The following LIMA1 variants were observed in gnomAD, a reference collection of about 807,000 sequenced individuals.
LIMA1 encodes LIM domain and actin binding 1.
In LIMA1, 52 loss-of-function variants were observed where a neutral mutation model predicts 62.6. That is an observed-to-expected ratio of 0.83 (90% CI 0.67 to 1.05). LIMA1 has a LOEUF of 1.05. LIMA1 is among the 50% of genes least tolerant of loss of function. The pLI, the probability that LIMA1 is intolerant of heterozygous loss-of-function variation, is 0.00. For synonymous variants in LIMA1, 302 were observed against 317.8 expected, an observed-to-expected ratio of 0.95 and a Z score of 0.53; for missense variants, 780 against 902.2, an observed-to-expected ratio of 0.86 and a Z score of 1.74.
intron 3 of LIMA1, among the ~76,000 whole-genome samples, chr12:50,228,227 G>A (rs570444704): frequency 5.4e-4 from 82 of 152,274 alleles, no homozygotes; most frequent in African/African-American, 1.8e-3. Context: ...TTTGGAGGTA[G>A]AGAATACATC....
intron 4 of LIMA1, among the ~76,000 whole-genome samples, chr12:50,220,005 T>C (rs990442378): frequency 1.1e-4 from 17 of 151,730 alleles, no homozygotes; most frequent in African/African-American, 4.1e-4. Context: ...TCCTATACCT[T>C]TAGCAATCAA....
intron 1 of LIMA1, among the ~76,000 whole-genome samples, chr12:50,264,213 T>A (rs994438848): frequency 6.6e-6 from 1 of 152,044 alleles, no homozygotes; most frequent in Non-Finnish European, 1.5e-5. Flanking sequence ...GGACTGGCAG[T>A]AGGAAGACAA....
At position 50,263,925 on chromosome 12, in the gene LIMA1, G is replaced by C. The variant is rs958492987; in HGVS notation, c.-23-15151C>G. On this transcript the variant is annotated intron_variant, in intron 1 of 10. Coordinates refer to ENST00000341247, the MANE Select transcript of LIMA1 (RefSeq NM_016357.5). ...TATGTATATATATATATATACTCAA[G>C]AGAAATGAAAACACATGTCCACACA... Among the ~76,000 whole-genome samples the C allele has an allele frequency of 3.5e-5, 5 of 143,636 alleles. No individual in the cohort carries two copies. In the South Asian group the frequency reaches 1.1e-3, roughly 31 times the overall value. 94.2% of individuals were successfully genotyped at this position (143,636 alleles called of 152,430 possible). A position where few individuals can be genotyped will look rare whatever the true frequency, so the allele number is the denominator to read the frequency against.
intron 3 of LIMA1, among the ~76,000 whole-genome samples, chr12:50,225,740 C>T (rs1030977377): frequency 1.3e-5 from 2 of 152,074 alleles, no homozygotes; most frequent in Non-Finnish European, 2.9e-5. Flanking sequence ...TTAGTAGAGA[C>T]GGGGTTTCAC....
At chr12:50,234,286 GC>G in intron 2 of LIMA1, 1 of 334,528 alleles carries the variant, frequency 3.0e-6, no homozygotes, top group Non-Finnish European at 6.0e-6. Flanking sequence ...TCAGCTAGCT[GC>G]AACCTCCGCT....
Position 50,226,796 on chromosome 12 carries a change from G to T in LIMA1, c.166-4311C>A, listed in dbSNP as rs1000277944. Among the ~76,000 whole-genome samples, 3 of 149,342 alleles carry T rather than the reference G, an allele frequency of 2.0e-5. No homozygotes were observed. In the East Asian group the frequency reaches 5.9e-4, roughly 29 times the overall value. ...GGAGGTTGCAGTGAGCTGCGATCAT[G>T]CCACTGCACTCCAGCCTGGCGAAAG... On this transcript the variant is annotated intron_variant, in intron 3 of 10. Transcript: ENST00000341247.
intron 1 of LIMA1, among the ~76,000 whole-genome samples, chr12:50,279,130 T>G (rs1226222206): frequency 6.6e-6 from 1 of 151,476 alleles, no homozygotes; most frequent in Non-Finnish European, 1.5e-5. Context: ...TTCAGCCTCC[T>G]TAGTAGCTGG....
intron 8 of LIMA1, among the ~76,000 whole-genome samples, chr12:50,193,647 T>A (rs1940853258): frequency 1.1e-5 from 1 of 87,148 alleles, no homozygotes; most frequent in African/African-American, 5.8e-5. Context: ...TGTGTGTGTG[T>A]GTGTATATAT....
intron 2 of LIMA1, among the ~76,000 whole-genome samples, chr12:50,238,883 A>AT (rs1941734550): frequency 1.3e-5 from 2 of 152,098 alleles, no homozygotes; most frequent in African/African-American, 2.4e-5. Flanking sequence ...GAAAAAAAAA[A>AT]AGAACATTAT....
intron 1 of LIMA1, among the ~76,000 whole-genome samples, chr12:50,258,221 G>A (rs1942022415): frequency 6.6e-6 from 1 of 152,136 alleles, no homozygotes; most frequent in East Asian, 1.9e-4. Context: ...CCACTGAGAT[G>A]TCACTGCTTC....
chr12:50,216,484 G>C (rs1021373487), intron 4 of LIMA1, among the ~76,000 whole-genome samples: 1 of 152,118 alleles, frequency 6.6e-6, no homozygotes, highest in African/African-American at 2.4e-5. Context: ...CAAAGTGCTG[G>C]AATTACAGGC....
In LIMA1 at chr12:50,261,102, G is replaced by T. The variant is rs183284813; in HGVS notation, c.-23-12328C>A. On this transcript the variant is annotated intron_variant, in intron 1 of 10. Coordinates refer to ENST00000341247, the MANE Select transcript of LIMA1 (RefSeq NM_016357.5). ...GAGTCTCGCTCTGTCGCCCAGGCTGGAGGGCAGTGGCGTGATCTGGGCTCA... is the reference window on the plus strand; with the variant it reads ...GAGTCTCGCTCTGTCGCCCAGGCTGTAGGGCAGTGGCGTGATCTGGGCTCA... Among the ~76,000 whole-genome samples the T allele has an allele frequency of 3.6e-3, 461 of 127,718 alleles. 1 individual carries two copies. Among genetic ancestry groups the T allele is most frequent in the African/African-American group, 0.013 (442 of 33,562 alleles). The allele number at this position is 127,718 out of a possible 152,430, so 83.8% of individuals were successfully genotyped here. A position where few individuals can be genotyped will look rare whatever the true frequency, so the allele number is the denominator to read the frequency against.
intron 3 of LIMA1, among the ~76,000 whole-genome samples, chr12:50,225,129 C>T (rs2138567278): frequency 6.6e-6 from 1 of 152,026 alleles, no homozygotes; most frequent in South Asian, 2.1e-4. Context: ...CTCGAACTCC[C>T]AGCCTCAGGT....
At chr12:50,201,973 T>G (rs967735878) in intron 6 of LIMA1, 1 of 152,220 alleles carries the variant, frequency 6.6e-6, no homozygotes, top group Non-Finnish European at 1.5e-5. Context: ...ATTAGTCTGC[T>G]AATAATGTAG....
At chr12:50,271,300 A>C (rs1305748698) in intron 1 of LIMA1, among the ~76,000 whole-genome samples, 1 of 152,210 alleles carries the variant, frequency 6.6e-6, no homozygotes, top group Non-Finnish European at 1.5e-5. Context: ...CTTTGGTCTA[A>C]AATTTGTAGG....
intron 6 of LIMA1, 127 bp from the exon 7 acceptor site, chr12:50,201,011 C>T: frequency 1.4e-6 from 2 of 1,448,740 alleles, no homozygotes; most frequent in Non-Finnish European, 9.0e-7. Flanking sequence ...TCAAATCAAC[C>T]CCCTAACTCT....
chr12:50,237,004 AG>A (rs1941706156), intron 2 of LIMA1, among the ~76,000 whole-genome samples: 1 of 152,188 alleles, frequency 6.6e-6, no homozygotes, highest in Admixed American at 6.5e-5. Flanking sequence ...GCTGGTGGGA[AG>A]GTAAATTGGT....
intron 1 of LIMA1, among the ~76,000 whole-genome samples, chr12:50,255,033 C>CAA (rs200238214): frequency 2.1e-5 from 2 of 96,622 alleles, no homozygotes; most frequent in African/African-American, 9.8e-5. Flanking sequence ...AAAACAAAAC[C>CAA]AAAAAAAACA....
At chr12:50,196,587 C>A (rs939746674) in intron 7 of LIMA1, among the ~76,000 whole-genome samples, 2 of 152,194 alleles carry the variant, frequency 1.3e-5, no homozygotes, top group East Asian at 3.9e-4. Flanking sequence ...GGCCCCCATG[C>A]CTTCCTGGTA....
Sources: gnomAD v4.1 joint callset for allele counts (sites outside exome capture counted in the v4.1 genomes callset) on GRCh38, gnomAD v4.1.1 for gene constraint, MANE v1.5 for transcripts, NCBI Gene and HGNC (gene_info 2026-07-23, HGNC 2026-07-21) for gene names.